HRH2: variants seen among roughly 807,000 people sequenced by gnomAD.
HRH2 encodes histamine receptor H2.
In HRH2, 4 loss-of-function variants were observed where a neutral mutation model predicts 20.1. That is an observed-to-expected ratio of 0.20 (90% CI 0.10 to 0.45). The LOEUF (loss-of-function observed/expected upper bound fraction) is 0.45, where lower values mean the gene tolerates loss of function less well. HRH2 is among the 20% of genes least tolerant of loss of function. The pLI is 0.99. For missense variants in HRH2, 250 were observed against 461.6 expected, an observed-to-expected ratio of 0.54 and a Z score of 4.20; for synonymous variants, 197 against 200.7, an observed-to-expected ratio of 0.98 and a Z score of 0.16.
At chr5:175,684,739 G>C (rs994497270) in intron 2 of HRH2, among the ~76,000 whole-genome samples, 2 of 152,162 alleles carry the variant, frequency 1.3e-5, no homozygotes, top group African/African-American at 2.4e-5. Flanking sequence ...GGCCTGTTGT[G>C]GGGTTAAATG....
At chr5:175,680,067 C>T (rs145211013) in intron 1 of HRH2, among the ~76,000 whole-genome samples, 3 of 152,292 alleles carry the variant, frequency 2.0e-5, no homozygotes. Context: ...TCGCTTTGCC[C>T]AGGAGGATCC....
Position 175,682,949 on chromosome 5 carries a change from T to G in HRH2, c.-285T>G. ...AGGGGACCGTCTGAGGACTGGAGTTTGATCCATGAACCTGGCTTCGAGGCC... is the reference window on the plus strand; with the variant it reads ...AGGGGACCGTCTGAGGACTGGAGTTGGATCCATGAACCTGGCTTCGAGGCC... On this transcript the variant is annotated 5_prime_UTR_variant, in exon 2 of 3. It removes the in-frame stop codon of an upstream open reading frame in the 5' UTR. Transcript: ENST00000636584. 2.6e-6 allele frequency: 1 copy of G among 385,998 alleles called. No homozygotes were observed. Among genetic ancestry groups the G allele is most frequent in the Non-Finnish European group, 4.6e-6 (1 of 215,788 alleles). The allele number at this position is 385,998 out of a possible 1,614,324, so 23.9% of individuals were successfully genotyped here.
Position 175,664,919 on chromosome 5 carries a change from T to C in HRH2, c.-526+6764T>C, listed in dbSNP as rs533471598. Among the ~76,000 whole-genome samples the C allele has an allele frequency of 5.9e-5, 9 of 152,290 alleles. No homozygotes were observed. In the South Asian group the frequency reaches 6.2e-4, roughly 11 times the overall value. On this transcript the variant is annotated intron_variant, in intron 1 of 2. Transcript: ENST00000636584. ...TCTCAACGTGCTGGGATTACAGGCG[T>C]GAGCCACCGCACACGGCCCGCACAA...
At position 175,677,514 on chromosome 5, in the gene HRH2, C is replaced by T. The variant is rs1330134324; in HGVS notation, c.-525-5195C>T. 6.6e-6 allele frequency among the ~76,000 whole-genome samples: 1 copy of T among 152,142 alleles called. No homozygotes were observed. Among genetic ancestry groups the T allele is most frequent in the East Asian group, 1.9e-4 (1 of 5,186 alleles). On this transcript the variant is annotated intron_variant, in intron 1 of 2. Transcript: ENST00000636584. The surrounding 1 kb of genome is among the most constrained non-coding windows in gnomAD (Gnocchi z 4.2). ...TGTCTGGGCTGAAGCCACGTTGGTC[C>T]GCAGCTCGTATCGGGGCAGCCACTC...
rs641553 is a variant in HRH2 at position 175,708,903 on chromosome 5, T to G, written c.*932T>G. 0.21 allele frequency: 31,187 copies of G among 151,918 alleles called. 5,827 individuals are homozygous for G. Among genetic ancestry groups the G allele is most frequent in the African/African-American group, 0.5 (20,636 of 41,308 alleles). The allele number at this position is 151,918 out of a possible 1,614,324, so 9.4% of individuals were successfully genotyped here. On this transcript the variant is annotated 3_prime_UTR_variant, in exon 3 of 3. Transcript: ENST00000636584. ...CAGGCATCATGGAGGGAGGGATGGA[T>G]CTTGAGGGACTGTAATGGTTGTGAA...
At chr5:175,694,651 G>A (rs1756507925) in intron 2 of HRH2, among the ~76,000 whole-genome samples, 2 of 152,164 alleles carry the variant, frequency 1.3e-5, no homozygotes, top group Admixed American at 1.3e-4. Context: ...AGGAACTGGG[G>A]TGCAGCATGA....
At chr5:175,672,945 CGAGGAATAA>C (rs1755606760) in intron 1 of HRH2, among the ~76,000 whole-genome samples, 1 of 150,842 alleles carries the variant, frequency 6.6e-6, no homozygotes, top group African/African-American at 2.4e-5. Flanking sequence ...GTGTAGTATC[CGAGGAATAA>C]GAGCAAGGTT....
Position 175,693,504 on chromosome 5 carries a change from T to C in HRH2, c.1076+9195T>C, listed in dbSNP as rs569160923. Among the ~76,000 whole-genome samples the C allele has an allele frequency of 6.6e-6, 1 of 152,276 alleles. No individual in the cohort carries two copies. Among genetic ancestry groups the C allele is most frequent in the South Asian group, 2.1e-4 (1 of 4,822 alleles). ...AGGTCCATGGAGGACACTCAGTCCC[T>C]CCTCACGTGAGGACTGACCACATCC... On this transcript the variant is annotated intron_variant, in intron 2 of 2. Coordinates refer to ENST00000636584, the MANE Select transcript of HRH2 (RefSeq NM_001367711.1). The surrounding 1 kb of genome is among the most constrained non-coding windows in gnomAD (Gnocchi z 4.4).
chr5:175,708,121 AGGCCTAG>A lies in HRH2; in HGVS notation c.*154_*160del. The stretch of plus-strand genomic sequence containing the variant: ...ACACACAGCTGGGTGTGGGGTCCTC[AGGCCTAG>A]GGCGGAACAGCCTATTCTGTGCTCA... On this transcript the variant is annotated 3_prime_UTR_variant, in exon 3 of 3. Coordinates refer to ENST00000636584, the MANE Select transcript of HRH2 (RefSeq NM_001367711.1). 2 of 397,000 alleles carry A rather than the reference AGGCCTAG, an allele frequency of 5.0e-6. No homozygotes were observed. The highest frequency in any genetic ancestry group is 8.9e-6 in the Non-Finnish European group (2 of 225,484). The allele number at this position is 397,000 out of a possible 1,614,324, so 24.6% of individuals were successfully genotyped here.
chr5:175,677,879 G>C lies in HRH2; in HGVS notation c.-525-4830G>C, dbSNP rs1385109405. Among the ~76,000 whole-genome samples, 1 of 152,160 alleles carries C rather than the reference G, an allele frequency of 6.6e-6. No homozygotes were observed. Among genetic ancestry groups the C allele is most frequent in the Admixed American group, 6.5e-5 (1 of 15,276 alleles). Reference sequence around the variant, plus strand: ...CCGCCTTCCAATCACATCACCCTCTGCTCGAACTTCCCCTCCACCTGCCGG... The same window carrying C: ...CCGCCTTCCAATCACATCACCCTCTCCTCGAACTTCCCCTCCACCTGCCGG... On this transcript the variant is annotated intron_variant, in intron 1 of 2. Transcript: ENST00000636584. This position sits in a 1 kb window ranked among gnomAD's most constrained non-coding sequence, Gnocchi z 4.2.
chr5:175,679,904 C>T (rs1755903417), intron 1 of HRH2, among the ~76,000 whole-genome samples: 2 of 152,188 alleles, frequency 1.3e-5, no homozygotes, highest in South Asian at 4.1e-4. Flanking sequence ...GGAGTTTGAG[C>T]TGAATTTGAA....
At chr5:175,685,004 A>T (rs1756120460) in intron 2 of HRH2, among the ~76,000 whole-genome samples, 1 of 152,188 alleles carries the variant, frequency 6.6e-6, no homozygotes, top group African/African-American at 2.4e-5. Context: ...CCAGAGGATG[A>T]GACTGTAGAC....
intron 1 of HRH2, among the ~76,000 whole-genome samples, chr5:175,682,489 C>T (rs759579732): frequency 1.3e-5 from 2 of 152,104 alleles, no homozygotes; most frequent in Admixed American, 6.5e-5. Context: ...CTCTTTCTCA[C>T]GAGTCTCAGT....
intron 2 of HRH2, among the ~76,000 whole-genome samples, chr5:175,695,260 C>A (rs536180828): frequency 2.7e-4 from 41 of 152,238 alleles, no homozygotes; most frequent in Non-Finnish European, 4.7e-4. Context: ...AGGGAGCTGG[C>A]TGACCTTGGG....
intron 2 of HRH2, among the ~76,000 whole-genome samples, chr5:175,697,319 C>T (rs1172948063): frequency 2.6e-5 from 4 of 151,700 alleles, no homozygotes; most frequent in Non-Finnish European, 5.9e-5. Flanking sequence ...AAAAATTAGC[C>T]GGGCGTGGTG....
At chr5:175,660,307 C>A (rs1762701151) in intron 1 of HRH2, among the ~76,000 whole-genome samples, 1 of 152,204 alleles carries the variant, frequency 6.6e-6, no homozygotes, top group Admixed American at 6.5e-5. Flanking sequence ...TGGAGATATG[C>A]ACAAAGCCTC....
In HRH2 at chr5:175,671,964, T is replaced by C. The variant is rs1055588376; in HGVS notation, c.-525-10745T>C. ...CGGGATGACTGCCTCTCTGGGGTGC[T>C]ACAGAAGGGGTTCCTGAACATGAGG... On this transcript the variant is annotated intron_variant, in intron 1 of 2. Coordinates refer to ENST00000636584, the MANE Select transcript of HRH2 (RefSeq NM_001367711.1). Among the ~76,000 whole-genome samples the C allele has an allele frequency of 7.2e-5, 11 of 152,062 alleles. No individual in the cohort carries two copies. In the East Asian group the frequency reaches 2.1e-3, roughly 29 times the overall value.
intron 1 of HRH2, among the ~76,000 whole-genome samples, chr5:175,676,244 C>A (rs961135718): frequency 2.0e-5 from 3 of 152,244 alleles, no homozygotes; most frequent in African/African-American, 7.2e-5. Context: ...CGGGGTTTTC[C>A]AGACCCAAGA....
At chr5:175,664,831 G>T (rs1484298583) in intron 1 of HRH2, among the ~76,000 whole-genome samples, 1 of 152,114 alleles carries the variant, frequency 6.6e-6, no homozygotes, top group Non-Finnish European at 1.5e-5. Flanking sequence ...AGAGGCAGGG[G>T]CTCGCTATGT....
Sources: gnomAD v4.1 joint callset for allele counts (sites outside exome capture counted in the v4.1 genomes callset) on GRCh38, gnomAD v4.1.1 for gene constraint, Gnocchi (gnomAD v3.1) non-coding constraint, MANE v1.5 for transcripts, NCBI Gene and HGNC (gene_info 2026-07-23, HGNC 2026-07-21) for gene names.